The following DTNBP1 variants were observed in gnomAD, a reference collection of about 807,000 sequenced individuals.
DTNBP1 encodes dysbindin.
A neutral mutation model predicts 42.8 loss-of-function variants in DTNBP1; 35 were observed. That is an observed-to-expected ratio of 0.82 (90% CI 0.63 to 1.09). The LOEUF (loss-of-function observed/expected upper bound fraction) is 1.09, where lower values mean the gene tolerates loss of function less well. DTNBP1 is among the 50% of genes least tolerant of loss of function. The pLI, the probability that DTNBP1 is intolerant of heterozygous loss-of-function variation, is 0.00. For synonymous variants in DTNBP1, 171 were observed against 162.2 expected, an observed-to-expected ratio of 1.05 and a Z score of -0.41; for missense variants, 457 against 424.2, an observed-to-expected ratio of 1.08 and a Z score of -0.68.
chr6:15,534,659 C>CAAAAAA (rs34234744), intron 7 of DTNBP1, among the ~76,000 whole-genome samples: 4 of 99,250 alleles, frequency 4.0e-5, no homozygotes, highest in African/African-American at 1.3e-4. Context: ...GACTCTGTCT[C>CAAAAAA]AAAAAAAAAA....
At chr6:15,523,413 TGCGGTGACCCTTCTGTCCCCTAA>T in intron 9 of DTNBP1, 194 bp from the exon 10 acceptor site, 1 of 1,241,262 alleles carries the variant, frequency 8.1e-7, no homozygotes, top group Non-Finnish European at 1.1e-6. Context: ...CCTCAGGCCC[TGCGGTGACCCTTCTGTCCCCTAA>T]GGAGTCAGCC....
chr6:15,524,088 A>G, intron 9 of DTNBP1: 1 of 1,324,314 alleles, frequency 7.6e-7, no homozygotes, highest in South Asian at 1.2e-5. Context: ...AACACAGGCC[A>G]AGAGCTGAAC....
intron 3 of DTNBP1, among the ~76,000 whole-genome samples, chr6:15,639,230 A>G (rs1562007150): frequency 6.6e-6 from 1 of 152,364 alleles, no homozygotes; most frequent in East Asian, 1.9e-4. Context: ...TACTGTGGTT[A>G]TATGAAATGC....
At position 15,545,212 on chromosome 6, in the gene DTNBP1, T is replaced by C. The variant is rs554081606; in HGVS notation, c.512-11817A>G. On this transcript the variant is annotated intron_variant, in intron 7 of 9. Transcript: ENST00000344537. Reference sequence around the variant, plus strand: ...AAAAGTATTTTCCTGGCATTGGTTTTCCTTATACATGAATTTTTAAGGTAT... The same window carrying C: ...AAAAGTATTTTCCTGGCATTGGTTTCCCTTATACATGAATTTTTAAGGTAT... Among the ~76,000 whole-genome samples, 6 of 152,346 alleles carry C rather than the reference T, an allele frequency of 3.9e-5. No individual in the cohort carries two copies. The East Asian group carries it at 1.2e-3, about 29-fold the overall frequency.
At position 15,535,439 on chromosome 6, in the gene DTNBP1, C is replaced by T. The variant is rs1458983880; in HGVS notation, c.512-2044G>A. Among the ~76,000 whole-genome samples the T allele has an allele frequency of 4.0e-5, 6 of 151,572 alleles. No individual in the cohort carries two copies. In the East Asian group the frequency reaches 9.6e-4, roughly 24 times the overall value. On this transcript the variant is annotated intron_variant, in intron 7 of 9. Coordinates refer to ENST00000344537, the MANE Select transcript of DTNBP1 (RefSeq NM_032122.5). ...TCAAGCAATTATTGTGCCTCAGCCTCCCAAGTAGCTGGGATTACAGGAGCA... is the reference window on the plus strand; with the variant it reads ...TCAAGCAATTATTGTGCCTCAGCCTTCCAAGTAGCTGGGATTACAGGAGCA...
chr6:15,534,572 A>G (rs1773097193), intron 7 of DTNBP1, among the ~76,000 whole-genome samples: 1 of 149,172 alleles, frequency 6.7e-6, no homozygotes, highest in Admixed American at 6.6e-5. Context: ...AGGCAGGAGA[A>G]TCACTTGAAC....
intron 1 of DTNBP1, among the ~76,000 whole-genome samples, chr6:15,662,061 C>T (rs1296039867): frequency 6.6e-6 from 1 of 152,198 alleles, no homozygotes; most frequent in African/African-American, 2.4e-5. Flanking sequence ...CTTTAAAACG[C>T]CGTCTCCAGG....
chr6:15,534,937 T>C (rs1773124757), intron 7 of DTNBP1, among the ~76,000 whole-genome samples: 1 of 152,134 alleles, frequency 6.6e-6, no homozygotes, highest in Admixed American at 6.5e-5. Flanking sequence ...TAATTAACCT[T>C]CACCTGGTCA....
chr6:15,626,095 C>CA (rs1759328309), intron 5 of DTNBP1, among the ~76,000 whole-genome samples: 1 of 152,184 alleles, frequency 6.6e-6, no homozygotes. Context: ...ACTGCCTCAT[C>CA]ACCTCATCCT....
chr6:15,590,296 C>T (rs1438559156), intron 7 of DTNBP1, among the ~76,000 whole-genome samples: 4 of 152,088 alleles, frequency 2.6e-5, no homozygotes, highest in Admixed American at 6.5e-5. Context: ...TTCAGGTCAC[C>T]AATGACCTGT....
intron 6 of DTNBP1, among the ~76,000 whole-genome samples, chr6:15,593,364 A>T (rs935042322): frequency 6.6e-6 from 1 of 152,238 alleles, no homozygotes; most frequent in Admixed American, 6.5e-5. Flanking sequence ...CAATTATAAG[A>T]ACACAGACAG....
chr6:15,531,979 G>GA (rs1396406896), intron 8 of DTNBP1, among the ~76,000 whole-genome samples: 2 of 152,212 alleles, frequency 1.3e-5, no homozygotes, highest in African/African-American at 4.8e-5. Context: ...CACAGAACTG[G>GA]ATGACAAGGA....
chr6:15,572,934 G>C (rs1775401642), intron 7 of DTNBP1, among the ~76,000 whole-genome samples: 1 of 152,168 alleles, frequency 6.6e-6, no homozygotes, highest in South Asian at 2.1e-4. Context: ...GTCTCACTCT[G>C]TTGCCCAGGC....
rs560739831 is a variant in DTNBP1, at chr6:15,610,028, G to A, written c.488+5239C>T. On this transcript the variant is annotated intron_variant, in intron 6 of 9. Transcript: ENST00000344537. ...CCTAAACAGTCTTATTGTTTACTACGTAGGCTTTCACTTAGTTCCTCTGTT... is the reference window on the plus strand; with the variant it reads ...CCTAAACAGTCTTATTGTTTACTACATAGGCTTTCACTTAGTTCCTCTGTT... 8.5e-5 allele frequency among the ~76,000 whole-genome samples: 13 copies of A among 152,296 alleles called. 1 individual carries two copies. In the South Asian group the frequency reaches 2.1e-3, roughly 24 times the overall value.
chr6:15,567,995 G>A (rs1197276023), intron 7 of DTNBP1, among the ~76,000 whole-genome samples: 1 of 152,084 alleles, frequency 6.6e-6, no homozygotes, highest in Non-Finnish European at 1.5e-5. Context: ...AGCCCTTGAT[G>A]GGGTTCAGGA....
intron 7 of DTNBP1, among the ~76,000 whole-genome samples, chr6:15,550,606 T>A (rs879272689): frequency 1.3e-5 from 2 of 152,234 alleles, no homozygotes; most frequent in Non-Finnish European, 2.9e-5. Flanking sequence ...GCTGGAAACC[T>A]CATTATTTCC....
At chr6:15,615,811 AAT>A (rs1440842565) in intron 5 of DTNBP1, among the ~76,000 whole-genome samples, 1 of 152,244 alleles carries the variant, frequency 6.6e-6, no homozygotes, top group African/African-American at 2.4e-5. Context: ...TAACTAACTT[AAT>A]ATCTGTGTTT....
At chr6:15,549,416 C>T (rs910960665) in intron 7 of DTNBP1, among the ~76,000 whole-genome samples, 75 of 139,062 alleles carry the variant, frequency 5.4e-4, no homozygotes, top group African/African-American at 1.9e-3. Context: ...ACCCAGGAGG[C>T]GGAGGCTGCA....
rs775944090 is a variant in DTNBP1, at chr6:15,524,597, G to A, written c.740C>T (p.Ser247Leu). ...GAAGACGTCCAGGGCCTCCTGGTCC[G>A]ATATGTCCATCAGGTCCATCTGCTC... ...MLEQMDLMDI[S>L]DQEALDVFLN... is the part of the protein sequence containing the mutation. The change falls in exon 9 of 10, where the codon TCG becomes TTG. Residue 247 changes from serine to leucine, a missense_variant. Coordinates refer to ENST00000344537, the MANE Select transcript of DTNBP1 (RefSeq NM_032122.5). The A allele has an allele frequency of 3.3e-5, 53 of 1,613,496 alleles. No individual in the cohort carries two copies. Among genetic ancestry groups the A allele is most frequent in the East Asian group, 2.0e-4 (9 of 44,886 alleles).
Sources: allele counts gnomAD v4.1 joint callset (sites outside exome capture counted in the v4.1 genomes callset), GRCh38; gene constraint gnomAD v4.1.1; transcripts MANE v1.5; gene names NCBI Gene and HGNC (gene_info 2026-07-23, HGNC 2026-07-21).